The following LPAR3 variants were observed in gnomAD, a reference collection of about 807,000 sequenced individuals.
LPAR3 encodes LPA receptor 3.
A neutral mutation model predicts 17.8 loss-of-function variants in LPAR3; 7 were observed. The observed-to-expected ratio is 0.39, with a 90% CI of 0.22 to 0.74. The LOEUF is 0.74. Ranked by LOEUF, LPAR3 falls within the 30% of genes least tolerant of loss-of-function variation. LPAR3 has a pLI of 0.40. For missense variants in LPAR3, 391 were observed against 453.4 expected (o/e 0.86, Z 1.25); for synonymous variants, 179 against 179.9 (o/e 0.99, Z 0.04).
chr1:84,849,360 T>G, intron 2 of LPAR3, among the ~76,000 whole-genome samples: 1 of 108,906 alleles, frequency 9.2e-6, no homozygotes, highest in African/African-American at 3.9e-5. Context: ...GGTGACAGAG[T>G]GAGACTCATC....
chr1:84,888,203 AG>A (rs1660495347), intron 1 of LPAR3, among the ~76,000 whole-genome samples: 1 of 151,494 alleles, frequency 6.6e-6, no homozygotes, highest in South Asian at 2.1e-4. Flanking sequence ...GACAGAGAGA[AG>A]GAGGGAGGGA....
At chr1:84,828,148 A>G (rs1220984599) in intron 2 of LPAR3, among the ~76,000 whole-genome samples, 1 of 152,094 alleles carries the variant, frequency 6.6e-6, no homozygotes, top group Non-Finnish European at 1.5e-5. Context: ...GCAGGCCCTC[A>G]CTAAAAGCAG....
chr1:84,822,484 T>C (rs1019609711), intron 2 of LPAR3, among the ~76,000 whole-genome samples: 2 of 152,134 alleles, frequency 1.3e-5, no homozygotes, highest in African/African-American at 4.8e-5. Context: ...AAGGTACAAT[T>C]ATATTGGTGA....
chr1:84,883,217 C>A (rs929481253), intron 1 of LPAR3, among the ~76,000 whole-genome samples: 2 of 152,178 alleles, frequency 1.3e-5, no homozygotes, highest in African/African-American at 4.8e-5. Flanking sequence ...CTGAGCTCCA[C>A]GGTGAGCTTG....
intron 1 of LPAR3, among the ~76,000 whole-genome samples, chr1:84,869,512 C>T (rs1042167157): frequency 1.3e-5 from 2 of 151,832 alleles, no homozygotes; most frequent in African/African-American, 4.8e-5. Flanking sequence ...TATGAAGTTG[C>T]GGTAATACAA....
At chr1:84,829,737 T>A (rs1449362434) in intron 2 of LPAR3, among the ~76,000 whole-genome samples, 1 of 152,142 alleles carries the variant, frequency 6.6e-6, no homozygotes, top group East Asian at 1.9e-4. Flanking sequence ...TTGGAAATGT[T>A]TTCTTAATTT....
intron 2 of LPAR3, among the ~76,000 whole-genome samples, chr1:84,863,991 G>A (rs1659990110): frequency 6.6e-6 from 1 of 152,022 alleles, no homozygotes; most frequent in Non-Finnish European, 1.5e-5. Flanking sequence ...GCAGGCGGAT[G>A]GCTTCAGCTC....
At chr1:84,857,859 T>G (rs2102761899) in intron 2 of LPAR3, among the ~76,000 whole-genome samples, 1 of 152,314 alleles carries the variant, frequency 6.6e-6, no homozygotes, top group East Asian at 1.9e-4. Context: ...ATAACAGAAC[T>G]TCCCTCAAGG....
chr1:84,892,234 T>G (rs1481238661), intron 1 of LPAR3, among the ~76,000 whole-genome samples: 1 of 146,564 alleles, frequency 6.8e-6, no homozygotes, highest in African/African-American at 2.5e-5. Flanking sequence ...AATAAATAAA[T>G]AAATAAATAA....
At position 84,876,615 on chromosome 1, in the gene LPAR3, C is replaced by T. The variant is rs1394633943; in HGVS notation, c.-18-10477G>A. ...CTGTACCATCTCTTGTTGGTTTCTA[C>T]GATCTCTGCCCTCACTCTGTAAATG... On this transcript the variant is annotated intron_variant, in intron 1 of 2. Coordinates refer to ENST00000370611, the MANE Select transcript of LPAR3 (RefSeq NM_012152.3). Among the ~76,000 whole-genome samples the T allele has an allele frequency of 2.6e-5, 4 of 152,240 alleles. No homozygotes were observed. The East Asian group carries it at 5.8e-4, about 22-fold the overall frequency.
intron 2 of LPAR3, among the ~76,000 whole-genome samples, chr1:84,848,937 G>T (rs1219635082): frequency 6.6e-6 from 1 of 152,128 alleles, no homozygotes; most frequent in Non-Finnish European, 1.5e-5. Context: ...CGTCTCTGGA[G>T]CATCTTTCAA....
chr1:84,854,940 T>C (rs886593367), intron 2 of LPAR3, among the ~76,000 whole-genome samples: 1 of 152,188 alleles, frequency 6.6e-6, no homozygotes, highest in Non-Finnish European at 1.5e-5. Context: ...CTCTCAACAG[T>C]ATTGATTCTT....
At chr1:84,871,518 T>C (rs1332974977) in intron 1 of LPAR3, among the ~76,000 whole-genome samples, 1 of 152,182 alleles carries the variant, frequency 6.6e-6, no homozygotes, top group Non-Finnish European at 1.5e-5. Flanking sequence ...ATCAAAGACA[T>C]GGTCAGTCAA....
At chr1:84,891,004 C>T (rs759934816) in intron 1 of LPAR3, among the ~76,000 whole-genome samples, 9 of 152,162 alleles carry the variant, frequency 5.9e-5, no homozygotes, top group Admixed American at 1.3e-4. Flanking sequence ...AGTTAACATG[C>T]TGTAGTTTCT....
At chr1:84,862,261 C>T (rs1659954543) in intron 2 of LPAR3, among the ~76,000 whole-genome samples, 1 of 152,122 alleles carries the variant, frequency 6.6e-6, no homozygotes, top group South Asian at 2.1e-4. Flanking sequence ...TAATGTGAAC[C>T]CTCTTTTTCT....
intron 1 of LPAR3, among the ~76,000 whole-genome samples, chr1:84,872,204 G>C (rs958605836): frequency 6.6e-6 from 1 of 152,082 alleles, no homozygotes; most frequent in Non-Finnish European, 1.5e-5. Context: ...ATGAAGTAAT[G>C]CTTGTGCACT....
At position 84,889,824 on chromosome 1, in the gene LPAR3, T is replaced by G. The variant is rs1660520640; in HGVS notation, c.-19+3192A>C. Among the ~76,000 whole-genome samples, 11 of 152,292 alleles carry G rather than the reference T, an allele frequency of 7.2e-5. 1 individual carries two copies. The South Asian group carries it at 2.3e-3, about 32-fold the overall frequency. ...TGTCCTGCCTCTTTAATTCCAATGT[T>G]TATGCACTCTTCACAGGGTACAAAG... is the stretch of plus-strand genomic sequence containing the variant. On this transcript the variant is annotated intron_variant, in intron 1 of 2. Transcript: ENST00000370611.
At chr1:84,833,118 T>C (rs1659321778) in intron 2 of LPAR3, among the ~76,000 whole-genome samples, 1 of 152,172 alleles carries the variant, frequency 6.6e-6, no homozygotes, top group South Asian at 2.1e-4. Flanking sequence ...ACACCCTAAG[T>C]TCAGTAATGG....
chr1:84,863,489 G>A (rs533825710), intron 2 of LPAR3, among the ~76,000 whole-genome samples: 25 of 152,066 alleles, frequency 1.6e-4, no homozygotes, highest in Non-Finnish European at 2.9e-4. Flanking sequence ...GAGTCTCCTG[G>A]GTTTTCCATC....
Sources: allele counts gnomAD v4.1 joint callset (sites outside exome capture counted in the v4.1 genomes callset), GRCh38; gene constraint gnomAD v4.1.1; transcripts MANE v1.5; gene names NCBI Gene and HGNC (gene_info 2026-07-23, HGNC 2026-07-21).